The following HGF variants were observed in gnomAD, a reference collection of about 807,000 sequenced individuals.
The protein encoded by HGF is fibroblast-derived tumor cytotoxic factor.
A neutral mutation model predicts 111.6 loss-of-function variants in HGF; 39 were observed. That is an observed-to-expected ratio of 0.35 (90% confidence interval 0.27 to 0.46). HGF has a LOEUF of 0.46. Among genes scored for constraint, HGF ranks in the 20% least tolerant of loss-of-function variants. HGF has a pLI of 1.00. For synonymous variants in HGF, 285 were observed against 294.8 expected, an observed-to-expected ratio of 0.97 and a Z score of 0.34; for missense variants, 735 against 910.5, an observed-to-expected ratio of 0.81 and a Z score of 2.48.
intron 5 of HGF, chr7:81,751,694 C>T (rs1562900020): frequency 8.7e-6 from 9 of 1,030,590 alleles, no homozygotes; most frequent in Non-Finnish European, 1.1e-5. Context: ...ACCCTTGTCA[C>T]ACCACTTCAT....
chr7:81,732,791 C>T (rs1393769567), intron 7 of HGF, among the ~76,000 whole-genome samples: 1 of 152,062 alleles, frequency 6.6e-6, no homozygotes, highest in Non-Finnish European at 1.5e-5. Flanking sequence ...TAAACATATT[C>T]CTAATTTGAG....
At chr7:81,735,649 G>A (rs1368499964) in intron 7 of HGF, among the ~76,000 whole-genome samples, 1 of 152,022 alleles carries the variant, frequency 6.6e-6, no homozygotes, top group Admixed American at 6.6e-5. Flanking sequence ...TGGTTACTAA[G>A]GGAAAGGATT....
chr7:81,745,784 T>G (rs1375645679), intron 5 of HGF, among the ~76,000 whole-genome samples: 2 of 152,260 alleles, frequency 1.3e-5, no homozygotes, highest in African/African-American at 4.8e-5. Flanking sequence ...ATGTTCCCAC[T>G]CTTTTTAAAA....
intron 2 of HGF, among the ~76,000 whole-genome samples, chr7:81,759,742 G>T (rs1788967810): frequency 6.6e-6 from 1 of 152,056 alleles, no homozygotes; most frequent in Non-Finnish European, 1.5e-5. Context: ...CTGACCTCGT[G>T]ATCTACCCGC....
intron 7 of HGF, among the ~76,000 whole-genome samples, chr7:81,740,517 T>C (rs892873946): frequency 6.6e-6 from 1 of 152,116 alleles, no homozygotes; most frequent in Non-Finnish European, 1.5e-5. Context: ...ATGAAGAGAT[T>C]TTGCATATGT....
intron 4 of HGF, among the ~76,000 whole-genome samples, chr7:81,753,732 C>A (rs1788615400): frequency 6.6e-6 from 1 of 151,930 alleles, no homozygotes; most frequent in East Asian, 1.9e-4. Flanking sequence ...CCATATTATG[C>A]AACTTCAATG....
intron 10 of HGF, among the ~76,000 whole-genome samples, chr7:81,719,150 C>T (rs1419942521): frequency 2.0e-5 from 3 of 152,140 alleles, no homozygotes; most frequent in African/African-American, 4.8e-5. Flanking sequence ...GGCCTTTGCA[C>T]ATGCAATTTC....
rs952927303 is a variant in HGF at position 81,751,821 on chromosome 7, A to G, written c.625+299T>C. The G allele has an allele frequency of 2.5e-6, 3 of 1,202,946 alleles. No homozygotes were observed. In the African/African-American group the frequency reaches 4.7e-5, roughly 19 times the overall value. The allele number at this position is 1,202,946 out of a possible 1,614,324, so 74.5% of individuals were successfully genotyped here. On this transcript the variant is annotated intron_variant, in intron 5 of 17. Coordinates refer to ENST00000222390, the MANE Select transcript of HGF (RefSeq NM_000601.6). ...AGGTGCCACACAGTAGTAGATTTTG[A>G]GGTATGTGAGCTCAAGACAGTAGGT... is the stretch of plus-strand genomic sequence containing the variant.
In HGF at chr7:81,726,030, A is replaced by T. The variant is rs1789998771; in HGVS notation, c.1041-13T>A. 6.2e-7 allele frequency: 1 copy of T among 1,613,622 alleles called. No homozygotes were observed. Among genetic ancestry groups the T allele is most frequent in the Non-Finnish European group, 8.5e-7 (1 of 1,179,650 alleles). On this transcript the variant is annotated splice_polypyrimidine_tract_variant and intron_variant, in intron 8 of 17. Transcript: ENST00000222390. ...TTCTCGTAGGTCCCTATTGAGAATA[A>T]GCATGTTAATGTAAATTGCCGGAGT...
intron 1 of HGF, 104 bp from the exon 2 acceptor site, chr7:81,762,976 C>T: frequency 1.4e-6 from 1 of 717,866 alleles, no homozygotes; most frequent in South Asian, 1.7e-5. Context: ...AGTGATTTTA[C>T]TTGACAATAT....
intron 9 of HGF, among the ~76,000 whole-genome samples, chr7:81,722,844 GGT>G (rs1491471656): frequency 1.6e-3 from 196 of 126,318 alleles, no homozygotes; most frequent in Admixed American, 2.2e-3. Context: ...AATTTAAAAA[GGT>G]ATATATATAT....
At chr7:81,758,006 C>T (rs1788869064) in intron 3 of HGF, among the ~76,000 whole-genome samples, 1 of 151,320 alleles carries the variant, frequency 6.6e-6, no homozygotes, top group Non-Finnish European at 1.5e-5. Flanking sequence ...AAACATTTAC[C>T]CTATTAACTT....
At chr7:81,766,055 C>G (rs1789341364) in intron 1 of HGF, among the ~76,000 whole-genome samples, 1 of 152,172 alleles carries the variant, frequency 6.6e-6, no homozygotes, top group South Asian at 2.1e-4. Flanking sequence ...TCCTGAAGAA[C>G]CTGAAGTCCC....
At chr7:81,740,171 AT>A (rs1281787520) in intron 7 of HGF, among the ~76,000 whole-genome samples, 3 of 152,206 alleles carry the variant, frequency 2.0e-5, no homozygotes, top group Admixed American at 1.3e-4. Context: ...CAGTTAGTAT[AT>A]GATAAAACAC....
intron 1 of HGF, among the ~76,000 whole-genome samples, chr7:81,766,692 C>T (rs565704555): frequency 7.2e-5 from 11 of 152,188 alleles, no homozygotes; most frequent in African/African-American, 2.6e-4. Flanking sequence ...TCTTCCTTCT[C>T]CTTTCCAGTT....
chr7:81,760,837 C>G (rs746614695), intron 2 of HGF, among the ~76,000 whole-genome samples: 1 of 151,770 alleles, frequency 6.6e-6, no homozygotes, highest in African/African-American at 2.4e-5. Context: ...ATAACTCAAC[C>G]AAAATATGGT....
At chr7:81,718,637 A>T (rs1475650457) in intron 10 of HGF, among the ~76,000 whole-genome samples, 1 of 152,222 alleles carries the variant, frequency 6.6e-6, no homozygotes. Context: ...GTTTCTAAAT[A>T]AATATATCAC....
Position 81,768,688 on chromosome 7 carries a change from G to A in HGF, c.88+1196C>T, listed in dbSNP as rs1045871031. On this transcript the variant is annotated intron_variant, in intron 1 of 17. Coordinates refer to ENST00000222390, the MANE Select transcript of HGF (RefSeq NM_000601.6). ...GCCACCGCACCCGACCCTGTGAAGC[G>A]ATTTTAACATGACACATGTCAAGCA... Among the ~76,000 whole-genome samples the A allele has an allele frequency of 2.8e-4, 43 of 152,216 alleles. 1 individual carries two copies. In the East Asian group the frequency reaches 3.3e-3, roughly 12 times the overall value.
chr7:81,754,665 C>T lies in HGF; in HGVS notation c.483-2403G>A, dbSNP rs373884741. 2.6e-3 allele frequency among the ~76,000 whole-genome samples: 391 copies of T among 152,066 alleles called. 3 individuals are homozygous for T. The highest frequency in any genetic ancestry group is 6.2e-3 in the African/African-American group (257 of 41,520). ...TCTCTAGGACATGAAGGTTAAAGAG[C>T]AGTCTGGGTCATCTCTTTTCTTCAT... is the stretch of plus-strand genomic sequence containing the variant. On this transcript the variant is annotated intron_variant, in intron 4 of 17. Transcript: ENST00000222390.
Sources: allele counts gnomAD v4.1 joint callset (sites outside exome capture counted in the v4.1 genomes callset), GRCh38; gene constraint gnomAD v4.1.1; transcripts MANE v1.5; gene names NCBI Gene and HGNC (gene_info 2026-07-23, HGNC 2026-07-21).